CNTN1: variants seen among roughly 807,000 people sequenced by gnomAD.
CNTN1 encodes the protein contactin 1.
Under a neutral mutation model 126.4 loss-of-function variants are expected in CNTN1, and 38 were observed. That is an observed-to-expected ratio of 0.30 (90% confidence interval 0.23 to 0.39). The LOEUF is 0.39. CNTN1 is among the 10% of genes least tolerant of loss of function. The pLI is 1.00. For synonymous variants in CNTN1, 413 were observed against 422.6 expected (o/e 0.98, Z 0.28); for missense variants, 1,009 against 1,248.4 (o/e 0.81, Z 2.89).
chr12:40,973,400 C>T (rs958753884), intron 15 of CNTN1, among the ~76,000 whole-genome samples: 3 of 152,020 alleles, frequency 2.0e-5, no homozygotes, highest in African/African-American at 7.2e-5. Context: ...GAAGATGTCT[C>T]CTGCCCTAAT....
chr12:41,054,459 T>C (rs565554730), intron 23 of CNTN1, among the ~76,000 whole-genome samples: 1 of 151,990 alleles, frequency 6.6e-6, no homozygotes, highest in Non-Finnish European at 1.5e-5. Context: ...GGTGAAAATA[T>C]GATTAGAGTA....
chr12:40,943,892 T>C (rs1946346681), intron 13 of CNTN1, 103 bp from the exon 14 acceptor site: 1 of 1,379,834 alleles, frequency 7.2e-7, no homozygotes, highest in African/African-American at 1.5e-5. Context: ...AAACATCTTA[T>C]TATTTTGCAC....
rs577049303 is a variant in CNTN1, at chr12:40,934,375, T to G, written c.985+497T>G. 3.4e-4 allele frequency among the ~76,000 whole-genome samples: 51 copies of G among 152,016 alleles called. No individual in the cohort carries two copies. In the South Asian group the frequency reaches 1.0e-2, roughly 30 times the overall value. ...GTATTTTTAACAAATTCCCAAAGGA[T>G]GCTGATAATATTGGTCCTGGAGTCA... On this transcript the variant is annotated intron_variant, in intron 9 of 23. Transcript: ENST00000551295.
At position 40,694,862 on chromosome 12, in the gene CNTN1, G is replaced by A. The variant is rs11177844; in HGVS notation, c.-77+2270G>A. Among the ~76,000 whole-genome samples the A allele has an allele frequency of 1.0e-2, 1,520 of 152,224 alleles. 18 individuals carry two copies. The highest frequency in any genetic ancestry group is 0.017 in the Non-Finnish European group (1,124 of 67,984). Reference sequence around the variant, plus strand: ...TAGCATTGAAATTTCAGGTTGCTATGAGGGCCATAAAAAGCATGCATGTTT... The same window carrying A: ...TAGCATTGAAATTTCAGGTTGCTATAAGGGCCATAAAAAGCATGCATGTTT... On this transcript the variant is annotated intron_variant, in intron 1 of 23. Transcript: ENST00000551295.
intron 17 of CNTN1, among the ~76,000 whole-genome samples, chr12:41,006,080 C>T (rs1465017280): frequency 1.3e-5 from 2 of 152,206 alleles, no homozygotes; most frequent in South Asian, 4.1e-4. Flanking sequence ...AAATTGACAA[C>T]CTTTGATTTT....
At chr12:41,062,083 A>G (rs1475233770) in intron 23 of CNTN1, among the ~76,000 whole-genome samples, 1 of 152,218 alleles carries the variant, frequency 6.6e-6, no homozygotes, top group East Asian at 1.9e-4. Flanking sequence ...CAAAGATCAA[A>G]CCCATTTTAT....
Position 40,916,698 on chromosome 12 carries a change from T to C in CNTN1, c.95-1941T>C, listed in dbSNP as rs569837577. ...CAAAATTATTAGCAGAGAGCATCTC[T>C]GTGACTACCTCATATTTGTAATCTT... On this transcript the variant is annotated intron_variant, in intron 3 of 23. Transcript: ENST00000551295. 1.6e-4 allele frequency among the ~76,000 whole-genome samples: 24 copies of C among 152,242 alleles called. 1 individual carries two copies. The South Asian group carries it at 5.0e-3, about 32-fold the overall frequency.
At chr12:40,931,236 C>T (rs1945873572) in intron 7 of CNTN1, among the ~76,000 whole-genome samples, 1 of 151,940 alleles carries the variant, frequency 6.6e-6, no homozygotes, top group Non-Finnish European at 1.5e-5. Context: ...ATCCAAAGGA[C>T]ACTTTGAAGT....
At chr12:41,023,350 G>T (rs1275886517) in intron 20 of CNTN1, among the ~76,000 whole-genome samples, 1 of 152,198 alleles carries the variant, frequency 6.6e-6, no homozygotes, top group Non-Finnish European at 1.5e-5. Flanking sequence ...TGGTTTTAAA[G>T]TGTATCTCAG....
At chr12:40,842,152 T>G (rs1346201857) in intron 1 of CNTN1, among the ~76,000 whole-genome samples, 1 of 152,040 alleles carries the variant, frequency 6.6e-6, no homozygotes, top group Admixed American at 6.6e-5. Flanking sequence ...CAGAATAAAG[T>G]GCCATTTGAG....
intron 1 of CNTN1, among the ~76,000 whole-genome samples, chr12:40,897,078 C>G (rs559995202): frequency 6.6e-6 from 1 of 152,230 alleles, no homozygotes; most frequent in Admixed American, 6.5e-5. Context: ...CTTTTAATTT[C>G]TATTGCCTAG....
chr12:40,872,139 A>T (rs181089759), intron 1 of CNTN1, among the ~76,000 whole-genome samples: 11 of 152,022 alleles, frequency 7.2e-5, no homozygotes, highest in African/African-American at 2.7e-4. Flanking sequence ...TTTTAAAAAG[A>T]TCTTACATAT....
At chr12:40,700,547 A>T (rs932818193) in intron 1 of CNTN1, among the ~76,000 whole-genome samples, 1 of 152,110 alleles carries the variant, frequency 6.6e-6, no homozygotes, top group Non-Finnish European at 1.5e-5. Context: ...AAAAATAAAA[A>T]ATAAACTGGA....
At chr12:40,751,427 A>C (rs1330296625) in intron 1 of CNTN1, among the ~76,000 whole-genome samples, 1 of 152,022 alleles carries the variant, frequency 6.6e-6, no homozygotes, top group Non-Finnish European at 1.5e-5. Flanking sequence ...TCTATCCTCA[A>C]ATTTCTTACA....
intron 1 of CNTN1, among the ~76,000 whole-genome samples, chr12:40,699,758 T>TAAA (rs111410321): frequency 2.7e-4 from 39 of 146,282 alleles, no homozygotes; most frequent in Non-Finnish European, 3.6e-4. Context: ...CATTTACAGA[T>TAAA]AAAAAAAAAA....
intron 1 of CNTN1, among the ~76,000 whole-genome samples, chr12:40,831,802 A>G (rs931877419): frequency 1.3e-5 from 2 of 152,142 alleles, no homozygotes; most frequent in Non-Finnish European, 2.9e-5. Flanking sequence ...GGTTTTGTAG[A>G]TGCAAAAGAT....
intron 1 of CNTN1, among the ~76,000 whole-genome samples, chr12:40,846,340 C>T (rs566491154): frequency 1.2e-4 from 18 of 152,250 alleles, no homozygotes; most frequent in African/African-American, 4.1e-4. Flanking sequence ...TGGTGGCGGG[C>T]GCCTGCAGTC....
chr12:40,916,238 G>T (rs1195368083), intron 3 of CNTN1, among the ~76,000 whole-genome samples: 1 of 152,144 alleles, frequency 6.6e-6, no homozygotes, highest in South Asian at 2.1e-4. Context: ...TAGATATATT[G>T]ATTTCTCTAC....
intron 15 of CNTN1, among the ~76,000 whole-genome samples, chr12:40,968,017 G>A (rs1301210231): frequency 6.6e-6 from 1 of 150,904 alleles, no homozygotes; most frequent in African/African-American, 2.4e-5. Context: ...TAAAGACATT[G>A]TTTACCAGAT....
Sources: allele counts gnomAD v4.1 joint callset (sites outside exome capture counted in the v4.1 genomes callset), GRCh38; gene constraint gnomAD v4.1.1; transcripts MANE v1.5; gene names NCBI Gene and HGNC (gene_info 2026-07-23, HGNC 2026-07-21).